LYPLAL1: variants seen among roughly 807,000 people sequenced by gnomAD.
LYPLAL1 encodes lysophospholipase like 1, also known as lysophospholipase-like protein 1.
Under a neutral mutation model 19.7 loss-of-function variants are expected in LYPLAL1, and 23 were observed. That is an observed-to-expected ratio of 1.17 (90% CI 0.84 to 1.65). The LOEUF (loss-of-function observed/expected upper bound fraction) is 1.65, where lower values mean the gene tolerates loss of function less well. Ranked by LOEUF, LYPLAL1 falls within the 40% of genes most tolerant of loss-of-function variation. The pLI is 0.00. For missense variants in LYPLAL1, 355 were observed against 279.4 expected, an observed-to-expected ratio of 1.27 and a Z score of -1.93; for synonymous variants, 119 against 96.3, an observed-to-expected ratio of 1.24 and a Z score of -1.38.
the LYPLAL1 span, among the ~76,000 whole-genome samples, chr1:219,257,625 C>T: frequency 6.6e-6 from 1 of 151,840 alleles, no homozygotes; most frequent in African/African-American, 2.4e-5. Flanking sequence ...GAGTAGGTAA[C>T]AAAGATCACA....
the LYPLAL1 span, among the ~76,000 whole-genome samples, chr1:219,218,759 A>C: frequency 6.6e-6 from 1 of 152,136 alleles, no homozygotes; most frequent in Non-Finnish European, 1.5e-5. Context: ...TATTTGTTCA[A>C]TTCTGCCATT....
At chr1:219,358,852 G>A in the LYPLAL1 span, among the ~76,000 whole-genome samples, 1 of 152,010 alleles carries the variant, frequency 6.6e-6, no homozygotes, top group African/African-American at 2.4e-5. Context: ...GTGTGTGTGT[G>A]CGGTCATCTG....
chr1:219,202,108 C>T (rs1471300091), intron 3 of LYPLAL1, among the ~76,000 whole-genome samples: 3 of 152,190 alleles, frequency 2.0e-5, no homozygotes, highest in Non-Finnish European at 4.4e-5. Context: ...GCTCTAGACT[C>T]AGAGTGCTGA....
chr1:219,424,238 T>C, the LYPLAL1 span, among the ~76,000 whole-genome samples: 2 of 152,262 alleles, frequency 1.3e-5, no homozygotes, highest in Admixed American at 6.5e-5. Flanking sequence ...TAAATAAAAC[T>C]ATAAACTTAG....
At chr1:219,227,985 A>C in the LYPLAL1 span, among the ~76,000 whole-genome samples, 1 of 152,188 alleles carries the variant, frequency 6.6e-6, no homozygotes, top group Admixed American at 6.5e-5. Context: ...ACCCAAGTTC[A>C]TCCCATCACT....
the LYPLAL1 span, among the ~76,000 whole-genome samples, chr1:219,399,432 G>A: frequency 1.1e-4 from 17 of 152,284 alleles, no homozygotes; most frequent in African/African-American, 3.8e-4. Context: ...CAGGATAAGG[G>A]GGATGGACTG....
the LYPLAL1 span, among the ~76,000 whole-genome samples, chr1:219,310,729 A>T: frequency 6.6e-6 from 1 of 152,210 alleles, no homozygotes; most frequent in Non-Finnish European, 1.5e-5. Flanking sequence ...TTTTTTCATG[A>T]GTGTATATCC....
chr1:219,431,857 G>A, the LYPLAL1 span, among the ~76,000 whole-genome samples: 3 of 152,182 alleles, frequency 2.0e-5, no homozygotes, highest in African/African-American at 7.2e-5. Flanking sequence ...CAGTTGCCAA[G>A]TTGGGCGATT....
the LYPLAL1 span, among the ~76,000 whole-genome samples, chr1:219,287,089 G>A: frequency 1.3e-5 from 2 of 152,130 alleles, no homozygotes; most frequent in Non-Finnish European, 2.9e-5. Context: ...TGCTCCTTGA[G>A]GTATCGGTTT....
At chr1:219,241,124 C>CTATATATATA in the LYPLAL1 span, among the ~76,000 whole-genome samples, 1 of 93,362 alleles carries the variant, frequency 1.1e-5, no homozygotes, top group Non-Finnish European at 2.3e-5. Context: ...CTCTCTCTCT[C>CTATATATATA]TCTCTCTCTC....
chr1:219,216,714 T>G (rs1260173490), downstream of LYPLAL1, among the ~76,000 whole-genome samples: 3 of 152,096 alleles, frequency 2.0e-5, no homozygotes, highest in Admixed American at 6.6e-5. Context: ...GTACTCTGTG[T>G]GCAGTACTCT....
chr1:219,337,238 T>A, the LYPLAL1 span, among the ~76,000 whole-genome samples: 179 of 152,130 alleles, frequency 1.2e-3, 1 homozygote, highest in African/African-American at 3.3e-3. Flanking sequence ...CCCTTTTACA[T>A]ACAAGATAAC....
chr1:219,328,487 A>G, the LYPLAL1 span, among the ~76,000 whole-genome samples: 3 of 152,174 alleles, frequency 2.0e-5, no homozygotes, highest in East Asian at 3.9e-4. Context: ...AGAATTGTCA[A>G]TTTCTTTTCA....
chr1:219,252,578 A>G, the LYPLAL1 span, among the ~76,000 whole-genome samples: 1 of 152,014 alleles, frequency 6.6e-6, no homozygotes, highest in Non-Finnish European at 1.5e-5. Flanking sequence ...TTATGTGATG[A>G]ATCACATTTA....
chr1:219,239,094 C>T, the LYPLAL1 span, among the ~76,000 whole-genome samples: 4 of 152,158 alleles, frequency 2.6e-5, no homozygotes, highest in Non-Finnish European at 5.9e-5. Context: ...CCTCCTATCC[C>T]TCTCCTTTCT....
chr1:219,256,436 CT>C, the LYPLAL1 span, among the ~76,000 whole-genome samples: 2 of 44,112 alleles, frequency 4.5e-5, no homozygotes, highest in East Asian at 3.3e-3. Context: ...TTGCTTCTCT[CT>C]TTCTTTTCTT....
chr1:219,199,321 C>G (rs1192249402), intron 3 of LYPLAL1, among the ~76,000 whole-genome samples: 1 of 152,102 alleles, frequency 6.6e-6, no homozygotes, highest in East Asian at 1.9e-4. Flanking sequence ...ATCAACCTTT[C>G]AATCAATTTT....
At chr1:219,286,889 A>C in the LYPLAL1 span, among the ~76,000 whole-genome samples, 1 of 152,076 alleles carries the variant, frequency 6.6e-6, no homozygotes, top group Non-Finnish European at 1.5e-5. Context: ...GTTTGCTTTC[A>C]CTTTTTTCCA....
At chr1:219,405,037 C>T in the LYPLAL1 span, among the ~76,000 whole-genome samples, 1 of 152,204 alleles carries the variant, frequency 6.6e-6, no homozygotes, top group Non-Finnish European at 1.5e-5. Flanking sequence ...TGTTAATCAT[C>T]ATCTATTTAA....
Sources: gnomAD v4.1 joint callset for allele counts (sites outside exome capture counted in the v4.1 genomes callset) on GRCh38, gnomAD v4.1.1 for gene constraint, MANE v1.5 for transcripts, NCBI Gene and HGNC (gene_info 2026-07-23, HGNC 2026-07-21) for gene names.